Variants in CMSS1 observed in about 807,000 individuals in gnomAD.
CMSS1 encodes the protein protein CMSS1.
In CMSS1, 33 loss-of-function variants were observed where a neutral mutation model predicts 43.5. That is an observed-to-expected ratio of 0.76 (90% CI 0.57 to 1.01). The LOEUF is 1.01. Ranked by LOEUF, CMSS1 falls within the 50% of genes least tolerant of loss-of-function variation. The pLI is 0.00. For missense variants in CMSS1, 313 were observed against 326.4 expected (o/e 0.96, Z 0.32); for synonymous variants, 115 against 117.2 (o/e 0.98, Z 0.12).
At chr3:99,976,142 C>G (rs999027433) in intron 1 of CMSS1, among the ~76,000 whole-genome samples, 30 of 152,140 alleles carry the variant, frequency 2.0e-4, no homozygotes, top group African/African-American at 7.0e-4. Context: ...GCCTCAGCCT[C>G]CCAAAGTACT....
chr3:100,101,624 G>GT (rs2066306817), intron 1 of CMSS1, among the ~76,000 whole-genome samples: 1 of 152,056 alleles, frequency 6.6e-6, no homozygotes, highest in East Asian at 1.9e-4. Flanking sequence ...GTTTGTTTTT[G>GT]TTTTTTTAAT....
At chr3:99,822,054 G>A (rs13091767) in intron 1 of CMSS1, among the ~76,000 whole-genome samples, 1 of 151,664 alleles carries the variant, frequency 6.6e-6, no homozygotes, top group Non-Finnish European at 1.5e-5. Flanking sequence ...TCAAAAAAAA[G>A]AAAAAAGAAA....
chr3:99,991,034 TA>T (rs1398605364), intron 1 of CMSS1, among the ~76,000 whole-genome samples: 3 of 152,162 alleles, frequency 2.0e-5, no homozygotes, highest in African/African-American at 7.2e-5. Flanking sequence ...AAGATGCCCA[TA>T]ATCTGGTCCA....
chr3:99,950,655 G>A (rs542198643), intron 1 of CMSS1, among the ~76,000 whole-genome samples: 299 of 152,090 alleles, frequency 2.0e-3, no homozygotes, highest in African/African-American at 6.7e-3. Context: ...TCCAATATTC[G>A]CCTCCCCAGA....
intron 1 of CMSS1, among the ~76,000 whole-genome samples, chr3:99,894,720 A>G (rs1706193873): frequency 6.6e-6 from 1 of 152,184 alleles, no homozygotes; most frequent in Non-Finnish European, 1.5e-5. Flanking sequence ...TAGCACAAGG[A>G]AGCTTACTCA....
intron 1 of CMSS1, among the ~76,000 whole-genome samples, chr3:99,901,194 G>T (rs1706423971): frequency 6.6e-6 from 1 of 152,222 alleles, no homozygotes; most frequent in South Asian, 2.1e-4. Flanking sequence ...CTTCAGGAAA[G>T]TGTTGTTTAG....
At chr3:100,059,158 A>G (rs1257614699) in intron 1 of CMSS1, among the ~76,000 whole-genome samples, 3 of 152,258 alleles carry the variant, frequency 2.0e-5, no homozygotes, top group Admixed American at 6.5e-5. Context: ...CTGTTGATAC[A>G]GAAACATATA....
chr3:99,878,825 T>G (rs1337812461), intron 1 of CMSS1, among the ~76,000 whole-genome samples: 1 of 152,276 alleles, frequency 6.6e-6, no homozygotes, highest in Non-Finnish European at 1.5e-5. Flanking sequence ...CTGTTGGCAT[T>G]GTGCGCCATT....
chr3:100,118,020 A>G (rs2066590834), intron 1 of CMSS1, among the ~76,000 whole-genome samples: 3 of 151,082 alleles, frequency 2.0e-5, no homozygotes, highest in Non-Finnish European at 4.4e-5. Context: ...CACTTATATA[A>G]GGTACCCAGA....
intron 1 of CMSS1, among the ~76,000 whole-genome samples, chr3:99,895,346 C>A (rs557260519): frequency 6.6e-6 from 1 of 150,486 alleles, no homozygotes; most frequent in Non-Finnish European, 1.5e-5. Context: ...CAGTTGGTCT[C>A]ATATATTTAG....
chr3:99,888,732 T>G (rs1416080835), intron 1 of CMSS1, among the ~76,000 whole-genome samples: 1 of 152,202 alleles, frequency 6.6e-6, no homozygotes, highest in Non-Finnish European at 1.5e-5. Flanking sequence ...TTATCTTCAT[T>G]TTTCTCTCTT....
chr3:100,050,136 G>A (rs1364566828), intron 1 of CMSS1, among the ~76,000 whole-genome samples: 3 of 152,094 alleles, frequency 2.0e-5, no homozygotes, highest in Non-Finnish European at 4.4e-5. Context: ...GGTAGTGTTC[G>A]GGGGCAAATT....
At chr3:99,916,974 A>C (rs1706973082) in intron 1 of CMSS1, among the ~76,000 whole-genome samples, 1 of 152,104 alleles carries the variant, frequency 6.6e-6, no homozygotes, top group Admixed American at 6.5e-5. Flanking sequence ...CTTGATTTTC[A>C]CTTATGAGGC....
intron 2 of CMSS1, among the ~76,000 whole-genome samples, chr3:100,154,039 G>A (rs1378840274): frequency 3.3e-5 from 5 of 151,946 alleles, no homozygotes; most frequent in South Asian, 2.1e-4. Flanking sequence ...TTGTAGAGAC[G>A]GGGTTTCACC....
At chr3:100,057,472 A>G (rs1326668786) in intron 1 of CMSS1, among the ~76,000 whole-genome samples, 1 of 152,240 alleles carries the variant, frequency 6.6e-6, no homozygotes, top group Non-Finnish European at 1.5e-5. Context: ...CGGTTTCTCC[A>G]AACTCTGAAA....
chr3:99,817,953 T>G lies in CMSS1; in HGVS notation c.-27T>G. 1 of 1,613,344 alleles carries G rather than the reference T, an allele frequency of 6.2e-7. No homozygotes were observed. Among genetic ancestry groups the G allele is most frequent in the South Asian group, 1.1e-5 (1 of 91,038 alleles). On this transcript the variant is annotated 5_prime_UTR_variant, in exon 1 of 10. Transcript: ENST00000421999. ...GCAGCTGGTCGCCTACCCGTGATGT[T>G]CTGCCCACGTCGAGACCTGAGCTGA...
chr3:100,008,343 C>T (rs754770258), intron 1 of CMSS1, among the ~76,000 whole-genome samples: 8 of 152,062 alleles, frequency 5.3e-5, no homozygotes, highest in Non-Finnish European at 7.4e-5. Context: ...AAAGGCTATG[C>T]AAGGCAAAGA....
chr3:100,173,446 C>G (rs1197155091), intron 8 of CMSS1, among the ~76,000 whole-genome samples: 1 of 152,220 alleles, frequency 6.6e-6, no homozygotes, highest in African/African-American at 2.4e-5. Context: ...CAAGGTCTGT[C>G]AGTCTAGGCT....
chr3:100,060,526 C>T (rs1019005512), intron 1 of CMSS1, among the ~76,000 whole-genome samples: 2 of 152,060 alleles, frequency 1.3e-5, no homozygotes, highest in Admixed American at 1.3e-4. Flanking sequence ...AAATGCTTAG[C>T]TACCACCTCT....
Sources: gnomAD v4.1 joint callset for allele counts (sites outside exome capture counted in the v4.1 genomes callset) on GRCh38, gnomAD v4.1.1 for gene constraint, MANE v1.5 for transcripts, NCBI Gene and HGNC (gene_info 2026-07-23, HGNC 2026-07-21) for gene names.